The following HS1BP3 variants were observed in gnomAD, a reference collection of about 807,000 sequenced individuals.
HS1BP3 encodes HCLS1-binding protein 3.
HS1BP3 carries 32 observed loss-of-function variants against 33.5 expected under a neutral mutation model. The observed-to-expected ratio is 0.95, with a 90% CI of 0.72 to 1.28. The LOEUF (loss-of-function observed/expected upper bound fraction) is 1.28. Ranked by LOEUF, HS1BP3 falls within the 50% of genes most tolerant of loss-of-function variation. The pLI is 0.00. For missense variants in HS1BP3, 486 were observed against 502.3 expected (o/e 0.97, Z 0.31); for synonymous variants, 187 against 209.2 (o/e 0.89, Z 0.92).
chr2:20,645,568 T>C, intron 1 of HS1BP3, 63 bp from the exon 2 acceptor site: 1 of 1,519,252 alleles, frequency 6.6e-7, no homozygotes, highest in Non-Finnish European at 8.8e-7. Flanking sequence ...CCGAGCAAAG[T>C]GCAGGCAGGG....
At chr2:20,586,337 T>C (rs774187719) in intron 5 of HS1BP3, 2 of 152,218 alleles carry the variant, frequency 1.3e-5, no homozygotes, top group African/African-American at 2.4e-5. Context: ...GAAGGGGCTG[T>C]TTCTGAAGCT....
rs775357357 is a variant in HS1BP3 at position 20,624,881 on chromosome 2, G to T, written c.635C>A (p.Pro212His). The T allele has an allele frequency of 1.5e-5, 25 of 1,613,514 alleles. No homozygotes were observed. The highest frequency in any genetic ancestry group is 8.3e-5 in the Admixed American group (5 of 59,956). Reference sequence around the variant, plus strand: ...CACGGCCACTTTGGGATGTTTCTTGGGCTTCTTGGAGCTGGAGAATCACAG... The same window carrying T: ...CACGGCCACTTTGGGATGTTTCTTGTGCTTCTTGGAGCTGGAGAATCACAG... The part of the protein sequence containing the change: ...DPLGIMRSKK[P>H]KKHPKVAVKA... Residue 212 changes from proline (P) to histidine (H), a missense_variant, in exon 5 of 7, where the codon CCC becomes CAC. By Grantham distance (77) the Pro-to-His change is moderately conservative. Transcript: ENST00000304031.
chr2:20,555,894 C>G (rs1692830189), downstream of HS1BP3, among the ~76,000 whole-genome samples: 1 of 152,202 alleles, frequency 6.6e-6, no homozygotes, highest in African/African-American at 2.4e-5. Flanking sequence ...CCCACTTCAC[C>G]TCTGCATACA....
chr2:20,624,106 C>T lies in HS1BP3; in HGVS notation c.785-75G>A, dbSNP rs1694695326. 7 of 1,536,994 alleles carry T rather than the reference C, an allele frequency of 4.6e-6. No homozygotes were observed. In the Admixed American group the frequency reaches 1.4e-4, roughly 31 times the overall value. On this transcript the variant is annotated intron_variant, in intron 5 of 6. Coordinates refer to ENST00000304031, the MANE Select transcript of HS1BP3 (RefSeq NM_022460.4). ...TGCCATGGCTGCTCTCTCTCTGCCCCACCCCAGGAAGTCTTCTGGGCAGTC... is the reference window on the plus strand; with the variant it reads ...TGCCATGGCTGCTCTCTCTCTGCCCTACCCCAGGAAGTCTTCTGGGCAGTC...
chr2:20,632,595 G>T (rs756014414), intron 4 of HS1BP3, among the ~76,000 whole-genome samples: 1 of 152,232 alleles, frequency 6.6e-6, no homozygotes, highest in Non-Finnish European at 1.5e-5. Context: ...TCCTCAGAGC[G>T]TAAAGGCTCT....
intron 6 of HS1BP3, 45 bp from the exon 7 acceptor site, chr2:20,619,290 C>T (rs775861542): frequency 2.2e-5 from 33 of 1,480,152 alleles, no homozygotes; most frequent in African/African-American, 9.8e-5. Context: ...ACTGCCACCC[C>T]GTGACAGGAA....
intron 5 of HS1BP3, among the ~76,000 whole-genome samples, chr2:20,566,732 G>T (rs554497491): frequency 1.3e-5 from 2 of 151,294 alleles, no homozygotes; most frequent in African/African-American, 4.9e-5. Flanking sequence ...TCAGCCTCCC[G>T]ACTAGCTGGG....
intron 2 of HS1BP3, among the ~76,000 whole-genome samples, chr2:20,642,158 G>A (rs1290727332): frequency 1.3e-5 from 2 of 152,194 alleles, no homozygotes; most frequent in African/African-American, 4.8e-5. Flanking sequence ...CTGAAGTGTG[G>A]GTCACTCACT....
chr2:20,556,607 G>C (rs1279753226), downstream of HS1BP3, among the ~76,000 whole-genome samples: 1 of 152,160 alleles, frequency 6.6e-6, no homozygotes, highest in Non-Finnish European at 1.5e-5. Context: ...AACAGTACCA[G>C]GTTGGCCCCT....
intron 5 of HS1BP3, among the ~76,000 whole-genome samples, chr2:20,579,257 T>G (rs1449831140): frequency 1.3e-5 from 2 of 152,204 alleles, no homozygotes; most frequent in African/African-American, 4.8e-5. Context: ...CCGAGCTGGC[T>G]GAGGGTTGGC....
At chr2:20,639,711 A>G (rs934503831) in intron 3 of HS1BP3, among the ~76,000 whole-genome samples, 1 of 152,226 alleles carries the variant, frequency 6.6e-6, no homozygotes, top group African/African-American at 2.4e-5. Flanking sequence ...TATGAGAGAG[A>G]TCCCTACTGT....
chr2:20,646,932 G>A (rs1357086280), intron 1 of HS1BP3, among the ~76,000 whole-genome samples: 1 of 152,224 alleles, frequency 6.6e-6, no homozygotes, highest in African/African-American at 2.4e-5. Flanking sequence ...GCCTGCCCAG[G>A]TCTCACCCGG....
chr2:20,601,514 G>C (rs977972233), intron 2 of HS1BP3, among the ~76,000 whole-genome samples: 1 of 152,168 alleles, frequency 6.6e-6, no homozygotes, highest in Admixed American at 6.5e-5. Context: ...CTGTGGGAGG[G>C]ACCCGGTGGG....
intron 5 of HS1BP3, among the ~76,000 whole-genome samples, chr2:20,563,298 G>A (rs1693047477): frequency 6.6e-6 from 1 of 152,230 alleles, no homozygotes; most frequent in African/African-American, 2.4e-5. Flanking sequence ...TGGGGAAACT[G>A]AGGCCCAGAG....
intron 2 of HS1BP3, among the ~76,000 whole-genome samples, chr2:20,644,044 G>T (rs1487383399): frequency 1.3e-5 from 2 of 152,200 alleles, no homozygotes; most frequent in African/African-American, 4.8e-5. Flanking sequence ...TGGTTGCCAG[G>T]AGACTCCAAG....
At chr2:20,608,009 T>C (rs1054909875) in intron 2 of HS1BP3, among the ~76,000 whole-genome samples, 3 of 152,246 alleles carry the variant, frequency 2.0e-5, no homozygotes, top group African/African-American at 7.2e-5. Context: ...TTGTGTTTGG[T>C]GCTATTGTAA....
chr2:20,595,346 T>C (rs1465960568), intron 3 of HS1BP3, among the ~76,000 whole-genome samples: 1 of 152,088 alleles, frequency 6.6e-6, no homozygotes, highest in Non-Finnish European at 1.5e-5. Flanking sequence ...TGTACAAAGG[T>C]GCCCTGGGGG....
downstream of HS1BP3, among the ~76,000 whole-genome samples, chr2:20,613,890 G>A (rs116915739): frequency 1.8e-4 from 28 of 152,332 alleles, no homozygotes; most frequent in East Asian, 4.8e-3. Context: ...GTACTGGGTC[G>A]AATTGCGTCC....
At chr2:20,633,299 G>A (rs1695022197) in intron 4 of HS1BP3, among the ~76,000 whole-genome samples, 1 of 152,230 alleles carries the variant, frequency 6.6e-6, no homozygotes, top group Middle Eastern at 3.2e-3. Flanking sequence ...CCCAGGAAGT[G>A]GGGCTGAGGC....
Sources: allele counts gnomAD v4.1 joint callset (sites outside exome capture counted in the v4.1 genomes callset), GRCh38; gene constraint gnomAD v4.1.1; transcripts MANE v1.5; gene names NCBI Gene and HGNC (gene_info 2026-07-23, HGNC 2026-07-21).